The following ZNF365 variants were observed in gnomAD, a reference collection of about 807,000 sequenced individuals.
The protein encoded by ZNF365 is protein ZNF365.
ZNF365 carries 22 observed loss-of-function variants against 35.0 expected under a neutral mutation model. The observed-to-expected ratio is 0.63, with a 90% confidence interval of 0.45 to 0.90. The LOEUF is 0.90. Among genes scored for constraint, ZNF365 ranks in the 40% least tolerant of loss-of-function variants. ZNF365 has a pLI of 0.00. For missense variants in ZNF365, 448 were observed against 500.3 expected, an observed-to-expected ratio of 0.90 and a Z score of 1.00; for synonymous variants, 188 against 196.2, an observed-to-expected ratio of 0.96 and a Z score of 0.35.
At position 62,387,526 on chromosome 10, in the gene ZNF365, T is replaced by A. The variant is rs76247656; in HGVS notation, c.744-870T>A. Among the ~76,000 whole-genome samples, 339 of 152,350 alleles carry A rather than the reference T, an allele frequency of 2.2e-3. 12 individuals carry two copies. The East Asian group carries it at 0.061, about 28-fold the overall frequency. ...GCAAAATATAAGATGGTAATAAAGT[T>A]ATTAGAATTTTTCTGGATTTGTAAT... On this transcript the variant is annotated intron_variant, in intron 2 of 4. Coordinates refer to ENST00000395254, the MANE Select transcript of ZNF365 (RefSeq NM_014951.3).
chr10:62,403,824 A>G (rs1839867541), downstream of ZNF365, among the ~76,000 whole-genome samples: 1 of 152,232 alleles, frequency 6.6e-6, no homozygotes, highest in Non-Finnish European at 1.5e-5. Flanking sequence ...AGTTTATTAG[A>G]AAACATAAAT....
At chr10:62,428,600 T>C (rs1047835612) in intron 3 of ZNF365, among the ~76,000 whole-genome samples, 2 of 152,148 alleles carry the variant, frequency 1.3e-5, no homozygotes, top group African/African-American at 4.8e-5. Flanking sequence ...AATTAACCAG[T>C]CTTGGGCAGT....
chr10:62,412,483 G>C (rs996170302), intron 3 of ZNF365, among the ~76,000 whole-genome samples: 1 of 152,106 alleles, frequency 6.6e-6, no homozygotes. Context: ...AATAGGGAGA[G>C]AGGAAGTCAA....
intron 3 of ZNF365, among the ~76,000 whole-genome samples, chr10:62,424,038 T>G (rs1404210642): frequency 1.3e-5 from 2 of 152,084 alleles, no homozygotes; most frequent in African/African-American, 4.8e-5. Context: ...AAGAAAAAAA[T>G]TAGACCTTAT....
rs762469891 is a variant in ZNF365, at chr10:62,376,777, T to G, written c.584T>G (p.Leu195Trp). 1 of 1,614,184 alleles carries G rather than the reference T, an allele frequency of 6.2e-7. No individual in the cohort carries two copies. The highest frequency in any genetic ancestry group is 1.6e-4 in the Middle Eastern group (1 of 6,062). The change falls in exon 2 of 5, where the codon TTG (leucine) becomes TGG (tryptophan). Residue 195 changes from leucine (L) to tryptophan (W), a missense_variant. By Grantham distance (61) the Leu-to-Trp change is moderately conservative (BLOSUM62 -2). Around this residue, in one of 3 missense-constraint regions of ZNF365, gnomAD observed 362 missense variants for 375.7 expected, o/e 0.96. Transcript: ENST00000395254. ...KELAQKTAEL[L>W]EVRAAFVQLT... is the part of the protein sequence containing the mutation. ...TTGGCCCAGAAAACTGCGGAACTGT[T>G]GGAAGTTCGGGCAGCTTTTGTGCAG...
At chr10:62,455,474 A>G (rs1403389633) in intron 3 of ZNF365, among the ~76,000 whole-genome samples, 3 of 152,176 alleles carry the variant, frequency 2.0e-5, no homozygotes, top group African/African-American at 7.2e-5. Flanking sequence ...TGGAAACTAT[A>G]GAAATGTACA....
chr10:62,477,921 A>G (rs1222937382), intron 4 of ZNF365, among the ~76,000 whole-genome samples: 1 of 152,240 alleles, frequency 6.6e-6, no homozygotes, highest in Non-Finnish European at 1.5e-5. Flanking sequence ...CCACAGAGGT[A>G]GAAACAAAAA....
chr10:62,399,670 T>C lies in ZNF365; in HGVS notation c.1105T>C (p.Ser369Pro), dbSNP rs1238138432. The C allele has an allele frequency of 1.2e-6, 2 of 1,613,926 alleles. No individual in the cohort carries two copies. The highest frequency in any genetic ancestry group is 2.2e-5 in the South Asian group (2 of 91,066). ...PAKAIHEQAE[S>P]SRDLCRPPKK... ...CAAGGCCATTCACGAACAGGCTGAG[T>C]CCTCAAGAGACCTCTGCAGACCTCC... Residue 369 changes from serine to proline, a missense_variant, in exon 5 of 5, where the codon TCC becomes CCC. Physicochemically the swap from Ser to Pro is moderately conservative, Grantham distance 74. This residue lies in a region of ZNF365 where 362 missense variants were observed against 375.7 expected (regional missense o/e 0.96). Coordinates refer to ENST00000395254, the MANE Select transcript of ZNF365 (RefSeq NM_014951.3).
intron 4 of ZNF365, among the ~76,000 whole-genome samples, chr10:62,469,177 C>A (rs1311274006): frequency 6.6e-6 from 1 of 152,212 alleles, no homozygotes. Flanking sequence ...CTATTATAGA[C>A]TGTTTTGAGC....
intron 4 of ZNF365, among the ~76,000 whole-genome samples, chr10:62,471,239 AC>A (rs1187620550): frequency 6.6e-6 from 1 of 151,840 alleles, no homozygotes; most frequent in Non-Finnish European, 1.5e-5. Context: ...GATGGTAGGC[AC>A]CTGTAGTCCC....
chr10:62,389,149 G>A lies in ZNF365; in HGVS notation c.924+573G>A, dbSNP rs527964162. 7.9e-5 allele frequency among the ~76,000 whole-genome samples: 12 copies of A among 152,102 alleles called. No homozygotes were observed. In the East Asian group the frequency reaches 1.7e-3, roughly 22 times the overall value. ...ATATAGTTTCAGGAGTTTAAGAAAC[G>A]CCTAAAGCCCAGATGAGATCCCTGG... On this transcript the variant is annotated intron_variant, in intron 3 of 4. Transcript: ENST00000395254.
intron 3 of ZNF365, among the ~76,000 whole-genome samples, chr10:62,446,871 G>C (rs1401148087): frequency 6.6e-6 from 1 of 152,106 alleles, no homozygotes; most frequent in African/African-American, 2.4e-5. Flanking sequence ...CGGTAGTGGA[G>C]GAAAGAATGG....
intron 4 of ZNF365, among the ~76,000 whole-genome samples, chr10:62,461,409 G>T (rs1352231145): frequency 1.3e-5 from 2 of 152,204 alleles, no homozygotes; most frequent in African/African-American, 4.8e-5. Context: ...GTAAAATCTT[G>T]TCTGAACAGG....
chr10:62,375,377 T>C (rs1452702747), intron 1 of ZNF365, among the ~76,000 whole-genome samples: 1 of 152,118 alleles, frequency 6.6e-6, no homozygotes, highest in African/African-American at 2.4e-5. Flanking sequence ...ATCTTGGCCA[T>C]GGCCCCACTT....
intron 2 of ZNF365, among the ~76,000 whole-genome samples, chr10:62,381,991 C>A (rs2132411519): frequency 6.6e-6 from 1 of 152,294 alleles, no homozygotes; most frequent in Middle Eastern, 3.4e-3. Flanking sequence ...CCAAAGGCAT[C>A]CAGTTCCTGC....
chr10:62,430,770 T>C (rs779701529), intron 3 of ZNF365, among the ~76,000 whole-genome samples: 66 of 152,242 alleles, frequency 4.3e-4, no homozygotes, highest in Non-Finnish European at 9.1e-4. Context: ...AATGCTTAGC[T>C]AACCTGGATA....
intron 4 of ZNF365, among the ~76,000 whole-genome samples, chr10:62,474,024 C>T (rs1479209914): frequency 1.3e-5 from 2 of 152,162 alleles, no homozygotes; most frequent in African/African-American, 4.8e-5. Flanking sequence ...CACACATAGA[C>T]ATATTAACAT....
intron 3 of ZNF365, among the ~76,000 whole-genome samples, chr10:62,389,789 C>T (rs1839595172): frequency 6.6e-6 from 1 of 152,174 alleles, no homozygotes; most frequent in South Asian, 2.1e-4. Context: ...CTTTCCAGAA[C>T]AAAAAGAGAC....
At chr10:62,393,136 G>A (rs968283625) in intron 3 of ZNF365, among the ~76,000 whole-genome samples, 3 of 151,930 alleles carry the variant, frequency 2.0e-5, no homozygotes, top group Non-Finnish European at 2.9e-5. Context: ...GTCTTCAGAG[G>A]CTATAGCGCG....
Sources: allele counts gnomAD v4.1 joint callset (sites outside exome capture counted in the v4.1 genomes callset), GRCh38; gene constraint gnomAD v4.1.1; regional missense constraint gnomAD v4.1.1; transcripts MANE v1.5; gene names NCBI Gene and HGNC (gene_info 2026-07-23, HGNC 2026-07-21).